Variants in PPP1R9A observed in about 807,000 individuals in gnomAD.
PPP1R9A encodes the protein neurabin-1.
In PPP1R9A, 59 loss-of-function variants were observed where a neutral mutation model predicts 141.9. The observed-to-expected ratio is 0.42, with a 90% CI of 0.34 to 0.52. The LOEUF (loss-of-function observed/expected upper bound fraction) is 0.52. PPP1R9A is among the 20% of genes least tolerant of loss of function. The pLI is 0.10. For missense variants in PPP1R9A, 1,444 were observed against 1,611.9 expected (o/e 0.90, Z 1.78); for synonymous variants, 500 against 569.7 (o/e 0.88, Z 1.74).
chr7:95,107,147 A>C (rs1237609243), intron 2 of PPP1R9A, among the ~76,000 whole-genome samples: 1 of 152,106 alleles, frequency 6.6e-6, no homozygotes, highest in Non-Finnish European at 1.5e-5. Context: ...CCTTGTTTTA[A>C]TTTGCATTTG....
At chr7:95,078,251 A>G (rs936932001) in intron 2 of PPP1R9A, among the ~76,000 whole-genome samples, 9 of 150,620 alleles carry the variant, frequency 6.0e-5, no homozygotes, top group Admixed American at 6.6e-5. Flanking sequence ...TGTTCTTGTG[A>G]TAGTTTACTG....
At chr7:94,963,565 T>C (rs887983189) in intron 2 of PPP1R9A, among the ~76,000 whole-genome samples, 3 of 152,202 alleles carry the variant, frequency 2.0e-5, no homozygotes, top group Admixed American at 1.3e-4. Context: ...TTCTGTGTCT[T>C]CTACCTTTCA....
intron 4 of PPP1R9A, among the ~76,000 whole-genome samples, chr7:95,123,057 AAAAG>A (rs1005792439): frequency 1.3e-5 from 2 of 152,140 alleles, no homozygotes; most frequent in African/African-American, 2.4e-5. Context: ...CCTGAAAAAA[AAAAG>A]AAAGAAAAAT....
chr7:95,152,953 G>A (rs779283397), intron 4 of PPP1R9A, among the ~76,000 whole-genome samples: 13 of 149,036 alleles, frequency 8.7e-5, no homozygotes, highest in Non-Finnish European at 1.3e-4. Context: ...GGTTCAAACC[G>A]ATTCTCCTGC....
chr7:95,174,831 A>G (rs1318846397), intron 5 of PPP1R9A: 4 of 152,184 alleles, frequency 2.6e-5, no homozygotes, highest in Non-Finnish European at 5.9e-5. Context: ...TCTTGAGTCT[A>G]CAGCTATAAA....
chr7:95,249,910 TG>T (rs780087764), intron 9 of PPP1R9A, 115 bp from the exon 10 acceptor site: 129 of 1,332,522 alleles, frequency 9.7e-5, no homozygotes, highest in Non-Finnish European at 1.1e-4. Flanking sequence ...TCATCTCAAG[TG>T]GATTCAGTGA....
intron 5 of PPP1R9A, among the ~76,000 whole-genome samples, chr7:95,173,252 G>A (rs908903512): frequency 6.6e-6 from 1 of 151,892 alleles, no homozygotes; most frequent in Admixed American, 6.6e-5. Context: ...GGGAAACGCT[G>A]TAGGTAATAT....
intron 5 of PPP1R9A, among the ~76,000 whole-genome samples, chr7:95,196,071 G>GTA (rs1491155365): frequency 5.0e-5 from 1 of 20,044 alleles, no homozygotes; most frequent in South Asian, 2.5e-3. Flanking sequence ...ACACACATAC[G>GTA]TGTGTGTGTG....
chr7:95,226,407 G>T (rs1369699568), intron 8 of PPP1R9A, among the ~76,000 whole-genome samples: 1 of 152,138 alleles, frequency 6.6e-6, no homozygotes, highest in East Asian at 1.9e-4. Flanking sequence ...TTTTACAGAA[G>T]TTTTGGTAAC....
At chr7:94,962,456 G>A (rs972208710) in intron 2 of PPP1R9A, among the ~76,000 whole-genome samples, 1 of 151,486 alleles carries the variant, frequency 6.6e-6, no homozygotes, top group Admixed American at 6.6e-5. Context: ...AATATTCAAG[G>A]GTTTTCCCCA....
At chr7:95,156,549 G>C (rs1353407427) in intron 4 of PPP1R9A, 1 of 152,448 alleles carries the variant, frequency 6.6e-6, no homozygotes, top group African/African-American at 2.4e-5. Flanking sequence ...TGGAGGATGA[G>C]CGAGATGAAG....
At chr7:95,062,722 G>T (rs964721454) in intron 2 of PPP1R9A, among the ~76,000 whole-genome samples, 1 of 151,556 alleles carries the variant, frequency 6.6e-6, no homozygotes, top group Non-Finnish European at 1.5e-5. Context: ...CAGTTTAGTT[G>T]CCCTAAGTAT....
Position 94,911,404 on chromosome 7 carries a change from A to G in PPP1R9A, c.1291A>G (p.Ser431Gly). 2 of 1,613,408 alleles carry G rather than the reference A, an allele frequency of 1.2e-6. No individual in the cohort carries two copies. Among genetic ancestry groups the G allele is most frequent in the Non-Finnish European group, 1.7e-6 (2 of 1,179,358 alleles). ...TGAGGAGGAAGATAGTGATGAGAAC[A>G]GTTACTATCAGCCTGATATGGAGTA... ...QDEEEDSDEN[S>G]YYQPDMEYSE... The change falls in exon 2 of 20, where the codon AGT becomes GGT. Residue 431 changes from serine (S) to glycine (G), a missense_variant. By Grantham distance (56) the Ser-to-Gly change is moderately conservative. Around this residue, in one of 5 missense-constraint regions of PPP1R9A, gnomAD observed 490 missense variants for 521.1 expected, o/e 0.94. Coordinates refer to ENST00000433360, the MANE Select transcript of PPP1R9A (RefSeq NM_001166160.2).
chr7:94,988,508 C>T (rs1044817070), intron 2 of PPP1R9A, among the ~76,000 whole-genome samples: 16 of 151,936 alleles, frequency 1.1e-4, no homozygotes, highest in Non-Finnish European at 2.2e-4. Flanking sequence ...AGCCAATTTC[C>T]AGCAGATCTG....
At chr7:95,218,950 A>G (rs1246065787) in intron 7 of PPP1R9A, among the ~76,000 whole-genome samples, 2 of 151,984 alleles carry the variant, frequency 1.3e-5, no homozygotes, top group Admixed American at 1.3e-4. Flanking sequence ...TTTTAATTGG[A>G]GCATTTAGCC....
chr7:95,268,689 G>A lies in PPP1R9A; in HGVS notation c.2805G>A (p.Glu935=), dbSNP rs1449046139. The change falls in exon 13 of 20, where the codon GAG becomes GAA. Residue 935 remains glutamate (E), a synonymous_variant. Transcript: ENST00000433360. ...ATAGTGTTAGTTCCACAGATGGGGA[G>A]GACAGTCTAGAGAGAAAGGTGAGCA... The part of the protein sequence containing the change: ...LYDSVSSTDG[E]DSLERKPSNS... The A allele has an allele frequency of 2.5e-6, 4 of 1,612,994 alleles. No individual in the cohort carries two copies. Among genetic ancestry groups the A allele is most frequent in the Non-Finnish European group, 3.4e-6 (4 of 1,179,228 alleles).
intron 2 of PPP1R9A, among the ~76,000 whole-genome samples, chr7:94,988,016 A>T (rs1801055578): frequency 6.6e-6 from 1 of 152,186 alleles, no homozygotes; most frequent in African/African-American, 2.4e-5. Flanking sequence ...GATTAAAAAA[A>T]TAGTTAACAC....
intron 12 of PPP1R9A, among the ~76,000 whole-genome samples, chr7:95,255,508 C>G (rs1469451850): frequency 2.6e-5 from 4 of 152,080 alleles, no homozygotes; most frequent in Non-Finnish European, 5.9e-5. Flanking sequence ...TTATTTTGAA[C>G]ACCGAAAACC....
intron 2 of PPP1R9A, among the ~76,000 whole-genome samples, chr7:95,046,025 T>A: frequency 6.6e-6 from 1 of 152,102 alleles, no homozygotes; most frequent in Non-Finnish European, 1.5e-5. Context: ...GTATTTCTTT[T>A]CTTTTGTATA....
Sources: allele counts gnomAD v4.1 joint callset (sites outside exome capture counted in the v4.1 genomes callset), GRCh38; gene constraint gnomAD v4.1.1; regional missense constraint gnomAD v4.1.1; transcripts MANE v1.5; gene names NCBI Gene and HGNC (gene_info 2026-07-23, HGNC 2026-07-21).